SETBP1: variants seen among roughly 807,000 people sequenced by gnomAD.
SETBP1 encodes SET binding protein 1, also known as SET-binding protein.
Under a neutral mutation model 101.0 loss-of-function variants are expected in SETBP1, and 9 were observed. The observed-to-expected ratio is 0.09, with a 90% CI of 0.05 to 0.16. SETBP1 has a LOEUF of 0.16. Ranked by LOEUF, SETBP1 falls within the 10% of genes least tolerant of loss-of-function variation. The pLI is 1.00. For missense variants in SETBP1, 1,858 were observed against 2,033.8 expected (o/e 0.91, Z 1.66); for synonymous variants, 818 against 788.5 (o/e 1.04, Z -0.63).
chr18:44,920,556 A>G (rs373191995), intron 3 of SETBP1, among the ~76,000 whole-genome samples: 4 of 152,232 alleles, frequency 2.6e-5, no homozygotes, highest in African/African-American at 9.6e-5. Flanking sequence ...TGAGGGGTGC[A>G]GGAAGATCAG....
Position 44,832,708 on chromosome 18 carries a change from AT to A in SETBP1, c.487-36520del, listed in dbSNP as rs1417636056. On this transcript the variant is annotated intron_variant, in intron 2 of 5. Transcript: ENST00000649279. ...GGGCTGATGGGCCCACCAGGTTCTCATTACAGGGGCCTGGCTGGGCAGCACT... is the reference window on the plus strand; with the variant it reads ...GGGCTGATGGGCCCACCAGGTTCTCATACAGGGGCCTGGCTGGGCAGCACT... 2.0e-5 allele frequency among the ~76,000 whole-genome samples: 3 copies of A among 152,116 alleles called. No homozygotes were observed. The East Asian group carries it at 5.8e-4, about 29-fold the overall frequency.
intron 2 of SETBP1, among the ~76,000 whole-genome samples, chr18:44,805,405 AGTGTGTGT>A (rs4024593): frequency 0.013 from 1,831 of 144,732 alleles, 33 homozygotes; most frequent in African/African-American, 0.043. Context: ...TGCACATGTA[AGTGTGTGT>A]GTGTGTGTGT....
intron 4 of SETBP1, among the ~76,000 whole-genome samples, chr18:44,990,927 G>GAAAAAAAAAAAA (rs996043221): frequency 5.7e-4 from 36 of 63,080 alleles, no homozygotes; most frequent in Middle Eastern, 0.01. Flanking sequence ...CAGAGAGAGA[G>GAAAAAAAAAAAA]AAAAAAAAAA....
chr18:44,923,763 G>T (rs929005844), intron 3 of SETBP1, among the ~76,000 whole-genome samples: 3 of 152,178 alleles, frequency 2.0e-5, no homozygotes, highest in African/African-American at 4.8e-5. Flanking sequence ...ACTGGTCAAA[G>T]CTTTGAGAAT....
chr18:44,875,765 G>A (rs1026562935), intron 3 of SETBP1, among the ~76,000 whole-genome samples: 2 of 152,096 alleles, frequency 1.3e-5, no homozygotes, highest in Middle Eastern at 3.2e-3. Flanking sequence ...AGGAACATTA[G>A]CCCCATTTTA....
intron 3 of SETBP1, among the ~76,000 whole-genome samples, chr18:44,874,763 C>T (rs1398008336): frequency 6.6e-6 from 1 of 152,112 alleles, no homozygotes; most frequent in African/African-American, 2.4e-5. Flanking sequence ...TAGTCCTACT[C>T]AGAGATCATC....
intron 4 of SETBP1, among the ~76,000 whole-genome samples, chr18:44,998,312 C>A (rs1446516118): frequency 1.3e-5 from 2 of 152,234 alleles, no homozygotes; most frequent in East Asian, 3.8e-4. Flanking sequence ...TCCGGGGTAT[C>A]TCTCCTCACA....
At chr18:45,026,817 CGCGTGT>C (rs1288195105) in intron 4 of SETBP1, among the ~76,000 whole-genome samples, 4 of 151,762 alleles carry the variant, frequency 2.6e-5, no homozygotes, top group African/African-American at 9.7e-5. Context: ...TGTGTGCATG[CGCGTGT>C]ACACACGTGT....
chr18:44,962,336 A>G (rs931008298), intron 4 of SETBP1, among the ~76,000 whole-genome samples: 1 of 152,186 alleles, frequency 6.6e-6, no homozygotes, highest in African/African-American at 2.4e-5. Flanking sequence ...GGAAGTTAGC[A>G]GTTGAGTGGG....
chr18:44,704,993 G>C (rs1417966142), intron 2 of SETBP1, among the ~76,000 whole-genome samples: 1 of 152,106 alleles, frequency 6.6e-6, no homozygotes, highest in African/African-American at 2.4e-5. Flanking sequence ...ATTCCTACTA[G>C]GGAGTCACCT....
Position 44,942,643 on chromosome 18 carries a change from A to G in SETBP1, c.541-7238A>G, listed in dbSNP as rs567141056. On this transcript the variant is annotated intron_variant, in intron 3 of 5. Transcript: ENST00000649279. ...TCTAGAATCTCAGCCTGTGTTGTCTATTGTCTAGTGCCTGAAAACAATTAT... is the reference window on the plus strand; with the variant it reads ...TCTAGAATCTCAGCCTGTGTTGTCTGTTGTCTAGTGCCTGAAAACAATTAT... Among the ~76,000 whole-genome samples, 57 of 152,242 alleles carry G rather than the reference A, an allele frequency of 3.7e-4. 1 individual carries two copies. The highest frequency in any genetic ancestry group is 7.2e-4 in the Admixed American group (11 of 15,290).
Position 44,788,777 on chromosome 18 carries a change from T to C in SETBP1, c.487-80453T>C, listed in dbSNP as rs552323596. ...CCCCACTCAGAGAAACTGATTTTTT[T>C]TTTTCCTTTTTAATTTTTTTTTTTT... On this transcript the variant is annotated intron_variant, in intron 2 of 5. Coordinates refer to ENST00000649279, the MANE Select transcript of SETBP1 (RefSeq NM_015559.3). Among the ~76,000 whole-genome samples, 163 of 150,094 alleles carry C rather than the reference T, an allele frequency of 1.1e-3. 1 individual carries two copies. Among genetic ancestry groups the C allele is most frequent in the Middle Eastern group, 3.4e-3 (1 of 292 alleles).
intron 4 of SETBP1, among the ~76,000 whole-genome samples, chr18:44,974,708 C>A (rs2071948130): frequency 6.6e-6 from 1 of 152,106 alleles, no homozygotes; most frequent in East Asian, 1.9e-4. Context: ...GGCAGTACAT[C>A]TTTTTAAAAC....
At chr18:44,693,765 CT>C (rs1016969891) in intron 1 of SETBP1, among the ~76,000 whole-genome samples, 3 of 152,194 alleles carry the variant, frequency 2.0e-5, no homozygotes, top group South Asian at 2.1e-4. Context: ...CACACTCCAT[CT>C]TTTTACACCA....
chr18:45,013,619 T>C (rs774219430), intron 4 of SETBP1, among the ~76,000 whole-genome samples: 2 of 152,078 alleles, frequency 1.3e-5, no homozygotes, highest in Non-Finnish European at 2.9e-5. Flanking sequence ...TTTGTATTTT[T>C]AGTAGAGATG....
At chr18:45,029,353 T>C (rs1054478258) in intron 4 of SETBP1, among the ~76,000 whole-genome samples, 28 of 152,010 alleles carry the variant, frequency 1.8e-4, no homozygotes, top group Non-Finnish European at 3.5e-4. Flanking sequence ...AGGGCTCTGT[T>C]CTGTTCCATT....
At chr18:44,921,375 T>A (rs1456735570) in intron 3 of SETBP1, among the ~76,000 whole-genome samples, 3 of 152,174 alleles carry the variant, frequency 2.0e-5, no homozygotes, top group Admixed American at 1.3e-4. Context: ...GAGCTTAGCC[T>A]TATGAGCCCT....
At chr18:44,779,050 T>G (rs567674180) in intron 2 of SETBP1, among the ~76,000 whole-genome samples, 1 of 152,346 alleles carries the variant, frequency 6.6e-6, no homozygotes, top group African/African-American at 2.4e-5. Flanking sequence ...TGTGTTGATT[T>G]TGTAGTGAGA....
chr18:44,689,501 T>C (rs774915217), intron 1 of SETBP1, among the ~76,000 whole-genome samples: 14 of 152,204 alleles, frequency 9.2e-5, no homozygotes, highest in Non-Finnish European at 2.1e-4. Flanking sequence ...ATTGACATTA[T>C]TATTGATTGT....
Sources: allele counts gnomAD v4.1 joint callset (sites outside exome capture counted in the v4.1 genomes callset), GRCh38; gene constraint gnomAD v4.1.1; transcripts MANE v1.5; gene names NCBI Gene and HGNC (gene_info 2026-07-23, HGNC 2026-07-21).